TACC2: variants seen among roughly 807,000 people sequenced by gnomAD.
The protein encoded by TACC2 is transforming acidic coiled-coil containing protein 2, also known as transforming acidic coiled-coil-containing protein 2.
In TACC2, 137 loss-of-function variants were observed where a neutral mutation model predicts 227.3. That is an observed-to-expected ratio of 0.60 (90% CI 0.52 to 0.69). The LOEUF is 0.69. TACC2 is among the 30% of genes least tolerant of loss of function. TACC2 has a pLI of 0.00. For missense variants in TACC2, 3,470 were observed against 3,694.4 expected (o/e 0.94, Z 1.57); for synonymous variants, 1,523 against 1,487.5 (o/e 1.02, Z -0.55).
chr10:122,223,551 G>T (rs970650004), intron 11 of TACC2, among the ~76,000 whole-genome samples: 10 of 152,160 alleles, frequency 6.6e-5, no homozygotes, highest in Non-Finnish European at 1.2e-4. Context: ...AGAAGGATAT[G>T]TTTGCCTCAC....
intron 6 of TACC2, 103 bp downstream of exon 6, chr10:122,132,837 C>A: frequency 1.6e-6 from 2 of 1,278,452 alleles, no homozygotes. Flanking sequence ...CTCTTTTCTC[C>A]TGCAGTTTCA....
At position 122,085,297 on chromosome 10, in the gene TACC2, T is replaced by C; in HGVS notation, c.2797T>C (p.Leu933=). Residue 933 remains leucine (L), a synonymous_variant, in exon 4 of 23, where the codon TTG becomes CTG. Coordinates refer to ENST00000369005, the MANE Select transcript of TACC2 (RefSeq NM_206862.4). The part of the protein sequence containing the change: ...WESSLTEESE[L]SAPTRQKLPA... ...GAGTTCTCTGACAGAAGAGTCAGAA[T>C]TGTCAGCACCAACGAGACAGAAGTT... 1 of 1,613,968 alleles carries C rather than the reference T, an allele frequency of 6.2e-7. No homozygotes were observed.
chr10:122,135,254 G>A (rs774478089), intron 6 of TACC2, among the ~76,000 whole-genome samples: 1 of 152,168 alleles, frequency 6.6e-6, no homozygotes, highest in Non-Finnish European at 1.5e-5. Context: ...CCGTGTCCTG[G>A]GGCCCCGCCT....
intron 7 of TACC2, among the ~76,000 whole-genome samples, chr10:122,174,151 C>T (rs997784337): frequency 6.6e-6 from 1 of 152,218 alleles, no homozygotes; most frequent in Non-Finnish European, 1.5e-5. Flanking sequence ...CTGGGTGCAA[C>T]TATCAGTCCA....
chr10:122,213,678 A>AT (rs1565649731), intron 9 of TACC2, among the ~76,000 whole-genome samples: 2 of 152,176 alleles, frequency 1.3e-5, no homozygotes, highest in Admixed American at 6.5e-5. Flanking sequence ...GAAATCAAAC[A>AT]TTTTTTTTAA....
rs368505679 is a variant in TACC2, at chr10:122,047,881, A to C, written c.34-2557A>C. Among the ~76,000 whole-genome samples the C allele has an allele frequency of 7.2e-5, 11 of 152,282 alleles. No homozygotes were observed. The East Asian group carries it at 1.9e-3, about 27-fold the overall frequency. Reference sequence around the variant, plus strand: ...AGCTAAAATGAAGGAAAATTTTTGCATTGTAGTGTTCATGTTGGCACTAGA... The same window carrying C: ...AGCTAAAATGAAGGAAAATTTTTGCCTTGTAGTGTTCATGTTGGCACTAGA... On this transcript the variant is annotated intron_variant, in intron 2 of 22. Coordinates refer to ENST00000369005, the MANE Select transcript of TACC2 (RefSeq NM_206862.4).
intron 5 of TACC2, among the ~76,000 whole-genome samples, chr10:122,121,433 A>G (rs1359415614): frequency 2.0e-5 from 3 of 152,126 alleles, no homozygotes; most frequent in South Asian, 4.2e-4. Flanking sequence ...ACAGCTCTTT[A>G]TTGCTGGAGT....
chr10:122,213,302 CTTCT>C (rs757234748), intron 9 of TACC2: 14 of 1,601,922 alleles, frequency 8.7e-6, no homozygotes, highest in Non-Finnish European at 1.2e-5. Context: ...TTGTCAGTTC[CTTCT>C]GTCTGTCTCT....
At chr10:122,166,632 G>T (rs1013271028) in intron 7 of TACC2, among the ~76,000 whole-genome samples, 5 of 152,184 alleles carry the variant, frequency 3.3e-5, no homozygotes, top group Admixed American at 2.0e-4. Context: ...CAGACCAGCT[G>T]AATCAGAATC....
At chr10:122,074,645 A>G (rs991518568) in intron 3 of TACC2, among the ~76,000 whole-genome samples, 1 of 152,110 alleles carries the variant, frequency 6.6e-6, no homozygotes, top group Non-Finnish European at 1.5e-5. Context: ...CAGGGATTAG[A>G]GTGCTGGAGA....
intron 5 of TACC2, among the ~76,000 whole-genome samples, chr10:122,125,917 C>A (rs564786237): frequency 6.6e-6 from 1 of 151,852 alleles, no homozygotes; most frequent in South Asian, 2.1e-4. Flanking sequence ...GCTGGGACTA[C>A]AGGTGCGCGC....
chr10:122,008,267 T>TTATTATTATTA (rs1370151687), intron 1 of TACC2, among the ~76,000 whole-genome samples: 5 of 17,728 alleles, frequency 2.8e-4, no homozygotes, highest in African/African-American at 9.4e-4. Context: ...TATTATTATT[T>TTATTATTATTA]TTTTTTTTTG....
At chr10:122,184,475 A>G (rs2094107874) in intron 7 of TACC2, among the ~76,000 whole-genome samples, 1 of 152,148 alleles carries the variant, frequency 6.6e-6, no homozygotes, top group African/African-American at 2.4e-5. Flanking sequence ...GGTTCCGTGT[A>G]TTGTATCCAG....
chr10:122,164,369 G>A (rs1443781977), intron 7 of TACC2, among the ~76,000 whole-genome samples: 2 of 152,198 alleles, frequency 1.3e-5, no homozygotes, highest in East Asian at 3.9e-4. Context: ...GCAGCTCCGT[G>A]CCCGGGGCGA....
At chr10:122,080,946 T>C (rs1236283046) in intron 3 of TACC2, among the ~76,000 whole-genome samples, 2 of 152,184 alleles carry the variant, frequency 1.3e-5, no homozygotes, top group Admixed American at 6.5e-5. Flanking sequence ...CTATAATAAC[T>C]TTAAAGAAAA....
At chr10:122,071,557 C>T (rs928060862) in intron 3 of TACC2, among the ~76,000 whole-genome samples, 4 of 151,910 alleles carry the variant, frequency 2.6e-5, no homozygotes, top group Non-Finnish European at 5.9e-5. Flanking sequence ...AATGGAGTGG[C>T]ACCTGACCTT....
At chr10:122,064,884 G>A (rs939342164) in intron 3 of TACC2, among the ~76,000 whole-genome samples, 1 of 152,128 alleles carries the variant, frequency 6.6e-6, no homozygotes, top group African/African-American at 2.4e-5. Context: ...TTATAGTCCT[G>A]TATAGATCTA....
In TACC2 at chr10:122,072,715, G is replaced by A. The variant is rs78930603; in HGVS notation, c.147-9932G>A. Among the ~76,000 whole-genome samples the A allele has an allele frequency of 5.8e-3, 883 of 152,326 alleles. 5 individuals carry two copies. Among genetic ancestry groups the A allele is most frequent in the African/African-American group, 0.02 (838 of 41,562 alleles). On this transcript the variant is annotated intron_variant, in intron 3 of 22. Transcript: ENST00000369005. ...ACCTACGTGAGCAGTTGTCGTGCCA[G>A]TACAACTGTCAGTTTAAAAATATGT...
Position 122,046,622 on chromosome 10 carries a change from G to A in TACC2, c.34-3816G>A, listed in dbSNP as rs1230925263. ...TAGTCCATCTGCCTGAGGAAATATA[G>A]CCCGTGGTCCCTTTCTTCTCCTGGA... On this transcript the variant is annotated intron_variant, in intron 2 of 22. Transcript: ENST00000369005. Among the ~76,000 whole-genome samples the A allele has an allele frequency of 1.8e-4, 27 of 152,122 alleles. 1 individual carries two copies. The highest frequency in any genetic ancestry group is 1.8e-3 in the Admixed American group (27 of 15,274).
Sources: allele counts gnomAD v4.1 joint callset (sites outside exome capture counted in the v4.1 genomes callset), GRCh38; gene constraint gnomAD v4.1.1; transcripts MANE v1.5; gene names NCBI Gene and HGNC (gene_info 2026-07-23, HGNC 2026-07-21).